Variants in PRR33 observed in about 807,000 individuals in gnomAD.
PRR33 encodes the protein proline rich 33.
In PRR33, 1 loss-of-function variant was observed where a neutral mutation model predicts 0.5. The observed-to-expected ratio is 2.18, with a 90% CI of 0.77 to 10.34. The LOEUF (loss-of-function observed/expected upper bound fraction) is 10.34, where lower values mean the gene tolerates loss of function less well. Ranked by LOEUF, PRR33 falls within the 30% of genes most tolerant of loss-of-function variation. The pLI, the probability that PRR33 is intolerant of heterozygous loss-of-function variation, is 0.13. For synonymous variants in PRR33, 226 were observed against 110.0 expected (o/e 2.06, Z -6.60); for missense variants, 552 against 251.8 (o/e 2.19, Z -8.07).
the PRR33 span, among the ~76,000 whole-genome samples, chr11:1,912,214 C>T: frequency 6.6e-6 from 1 of 151,790 alleles, no homozygotes; most frequent in Non-Finnish European, 1.5e-5. Context: ...AAAGGACCCC[C>T]TTGGTCATAA....
exon 1 of PRR33, chr11:1,890,120 G>A: frequency 1.4e-6 from 1 of 717,112 alleles, no homozygotes. Flanking sequence ...CTGGGGCCGA[G>A]GCTACAACCT....
At chr11:1,912,824 C>A in the PRR33 span, among the ~76,000 whole-genome samples, 3 of 152,148 alleles carry the variant, frequency 2.0e-5, no homozygotes, top group African/African-American at 7.2e-5. Context: ...CCAGACTGAT[C>A]TGGAACTCCT....
At chr11:1,892,585 T>TC (rs201006720), upstream of PRR33, among the ~76,000 whole-genome samples, 1,604 of 152,242 alleles carry the variant, frequency 0.011, 30 homozygotes, top group African/African-American at 0.037. Context: ...CCTCGGGGCC[T>TC]CCCCCAACAC....
chr11:1,890,752 G>T, exon 1 of PRR33: 2 of 602,374 alleles, frequency 3.3e-6, no homozygotes, highest in East Asian at 5.5e-5. Context: ...TGCTGAGCTC[G>T]ACTGTGCCTT....
chr11:1,900,717 AT>A, the PRR33 span, among the ~76,000 whole-genome samples: 75 of 152,362 alleles, frequency 4.9e-4, no homozygotes, highest in Admixed American at 1.4e-3. Flanking sequence ...ATATACCCGG[AT>A]GTATCAGAAT....
the PRR33 span, among the ~76,000 whole-genome samples, chr11:1,914,119 G>T: frequency 6.6e-6 from 1 of 152,274 alleles, no homozygotes; most frequent in African/African-American, 2.4e-5. Flanking sequence ...AACACGCCTG[G>T]TTGGGCGCAG....
the PRR33 span, among the ~76,000 whole-genome samples, chr11:1,898,270 C>G: frequency 0.15 from 22,297 of 151,652 alleles, 1,994 homozygotes; most frequent in South Asian, 0.27. Context: ...AGTCTCGCTC[C>G]GTCGGCTGGA....
chr11:1,900,676 C>T, the PRR33 span, among the ~76,000 whole-genome samples: 10 of 152,174 alleles, frequency 6.6e-5, no homozygotes, highest in Non-Finnish European at 1.3e-4. Context: ...CTGTGGCCTA[C>T]AATAACTTAA....
the PRR33 span, among the ~76,000 whole-genome samples, chr11:1,903,538 G>T: frequency 1.0e-3 from 152 of 152,338 alleles, 2 homozygotes; most frequent in African/African-American, 3.5e-3. Flanking sequence ...CATCCCTGAT[G>T]AGGCTAATTA....
At chr11:1,915,564 C>G in the PRR33 span, among the ~76,000 whole-genome samples, 10 of 27,464 alleles carry the variant, frequency 3.6e-4, no homozygotes, top group South Asian at 1.7e-3. Flanking sequence ...GGTGATGTTT[C>G]TGTGTGTGCA....
upstream of PRR33, among the ~76,000 whole-genome samples, chr11:1,896,461 A>G (rs1232868818): frequency 6.6e-6 from 1 of 152,256 alleles, no homozygotes; most frequent in African/African-American, 2.4e-5. Context: ...ACCATTTTAT[A>G]GAAACACAAT....
upstream of PRR33, among the ~76,000 whole-genome samples, chr11:1,895,894 G>C (rs1273179358): frequency 6.6e-6 from 1 of 152,194 alleles, no homozygotes; most frequent in African/African-American, 2.4e-5. Flanking sequence ...TGCGGTCCCA[G>C]CTACTTGGGC....
At chr11:1,901,648 A>G in the PRR33 span, among the ~76,000 whole-genome samples, 2 of 152,238 alleles carry the variant, frequency 1.3e-5, no homozygotes, top group Non-Finnish European at 2.9e-5. Flanking sequence ...GAAAATGTAT[A>G]TATGAAAAGC....
the PRR33 span, among the ~76,000 whole-genome samples, chr11:1,914,489 G>A: frequency 6.6e-6 from 1 of 151,344 alleles, no homozygotes; most frequent in South Asian, 2.1e-4. Flanking sequence ...TTGTGTGTGT[G>A]TGTGTGTGTT....
the PRR33 span, among the ~76,000 whole-genome samples, chr11:1,906,492 A>G: frequency 6.6e-6 from 1 of 152,098 alleles, no homozygotes; most frequent in Non-Finnish European, 1.5e-5. Flanking sequence ...GACATTGTAA[A>G]CTTTAACTCG....
exon 1 of PRR33, chr11:1,888,602 C>G (rs1565090470): frequency 6.6e-6 from 1 of 152,544 alleles, no homozygotes; most frequent in Non-Finnish European, 1.5e-5. Flanking sequence ...TGGCTGAGGG[C>G]TCCCCCCTGC....
exon 1 of PRR33, chr11:1,889,465 G>T: frequency 1.6e-6 from 1 of 634,546 alleles, no homozygotes; most frequent in East Asian, 2.8e-5. Context: ...GGCACCTCCT[G>T]CTCTGTGGGG....
chr11:1,890,385 G>C (rs141217271), exon 1 of PRR33: 24 of 716,952 alleles, frequency 3.3e-5, no homozygotes, highest in Non-Finnish European at 6.0e-5. Context: ...ACTCACGGGG[G>C]ACAGGGAGGT....
chr11:1,889,454 A>G (rs544972632), exon 1 of PRR33: 1 of 639,416 alleles, frequency 1.6e-6, no homozygotes, highest in African/African-American at 1.8e-5. Flanking sequence ...CTGTGGGGGC[A>G]GGCACCTCCT....
Sources: allele counts gnomAD v4.1 joint callset (sites outside exome capture counted in the v4.1 genomes callset), GRCh38; gene constraint gnomAD v4.1.1; transcripts MANE v1.5; gene names NCBI Gene and HGNC (gene_info 2026-07-23, HGNC 2026-07-21).